Variants in TENM4 observed in about 807,000 individuals in gnomAD.
TENM4 encodes teneurin transmembrane protein 4, also known as teneurin-4.
Under a neutral mutation model 243.3 loss-of-function variants are expected in TENM4, and 82 were observed. That is an observed-to-expected ratio of 0.34 (90% CI 0.28 to 0.40). The LOEUF (loss-of-function observed/expected upper bound fraction) is 0.40, where lower values mean the gene tolerates loss of function less well. Among genes scored for constraint, TENM4 ranks in the 10% least tolerant of loss-of-function variants. The probability of loss-of-function intolerance (pLI) is 1.00; values close to 1 mark genes in which losing one functional copy is unlikely to be tolerated. For missense variants in TENM4, 3,138 were observed against 3,673.3 expected, an observed-to-expected ratio of 0.85 and a Z score of 3.77; for synonymous variants, 1,412 against 1,456.3, an observed-to-expected ratio of 0.97 and a Z score of 0.69.
intron 2 of TENM4, among the ~76,000 whole-genome samples, chr11:79,289,231 T>A (rs1448282665): frequency 6.6e-6 from 1 of 152,236 alleles, no homozygotes; most frequent in East Asian, 1.9e-4. Context: ...AGCCCTCATC[T>A]GAATGCAGTG....
At chr11:79,259,466 T>C (rs1025958220) in intron 2 of TENM4, among the ~76,000 whole-genome samples, 6 of 152,144 alleles carry the variant, frequency 3.9e-5, no homozygotes, top group Non-Finnish European at 1.5e-5. Context: ...TATCTTCATC[T>C]ACCCAGCCAT....
intron 6 of TENM4, among the ~76,000 whole-genome samples, chr11:78,925,520 CA>C (rs904114487): frequency 2.7e-4 from 41 of 152,124 alleles, no homozygotes; most frequent in African/African-American, 7.5e-4. Flanking sequence ...AGTGACTTGA[CA>C]AACTCCCACC....
chr11:79,413,767 C>G (rs1858752326), intron 1 of TENM4, among the ~76,000 whole-genome samples: 1 of 152,058 alleles, frequency 6.6e-6, no homozygotes, highest in Non-Finnish European at 1.5e-5. Flanking sequence ...ATTATTATTA[C>G]TTTTCTTAGG....
rs557812355 is a variant in TENM4 at position 78,965,678 on chromosome 11, C to T, written c.494-62155G>A. Among the ~76,000 whole-genome samples the T allele has an allele frequency of 8.5e-5, 13 of 152,322 alleles. No individual in the cohort carries two copies. In the South Asian group the frequency reaches 1.2e-3, roughly 15 times the overall value. On this transcript the variant is annotated intron_variant, in intron 6 of 33. Transcript: ENST00000278550. Reference sequence around the variant, plus strand: ...AACGGCACTGAGCCCTCCCAGGCCTCGTCCCTGTCTCTTCTTTCTCCTACG... The same window carrying T: ...AACGGCACTGAGCCCTCCCAGGCCTTGTCCCTGTCTCTTCTTTCTCCTACG...
At chr11:79,039,341 AT>A (rs1859461819) in intron 6 of TENM4, among the ~76,000 whole-genome samples, 1 of 152,188 alleles carries the variant, frequency 6.6e-6, no homozygotes, top group Non-Finnish European at 1.5e-5. Context: ...CAGAGGACAA[AT>A]CCCAGCCCCA....
intron 1 of TENM4, among the ~76,000 whole-genome samples, chr11:79,335,328 A>G (rs1224673060): frequency 6.6e-6 from 1 of 152,218 alleles, no homozygotes; most frequent in East Asian, 1.9e-4. Context: ...AAGAGAGCCA[A>G]TAGGTCACTT....
intron 3 of TENM4, among the ~76,000 whole-genome samples, chr11:79,170,001 G>A (rs1009112896): frequency 1.3e-5 from 2 of 152,192 alleles, no homozygotes; most frequent in Admixed American, 6.5e-5. Flanking sequence ...TGGTGCCTGG[G>A]CATCTTTGCC....
At chr11:78,822,259 C>T (rs1008979726) in intron 12 of TENM4, among the ~76,000 whole-genome samples, 6 of 152,206 alleles carry the variant, frequency 3.9e-5, no homozygotes, top group Admixed American at 1.3e-4. Context: ...TCTAGTCCTA[C>T]TCCTGCCATC....
intron 6 of TENM4, among the ~76,000 whole-genome samples, chr11:79,038,461 G>C (rs1350903357): frequency 1.3e-5 from 2 of 152,120 alleles, no homozygotes; most frequent in Non-Finnish European, 2.9e-5. Context: ...CAGTACAAAT[G>C]TTACCTTTTC....
intron 2 of TENM4, among the ~76,000 whole-genome samples, chr11:79,234,440 G>A (rs955472729): frequency 2.0e-5 from 3 of 152,136 alleles, no homozygotes; most frequent in African/African-American, 7.2e-5. Context: ...AAGAGGCCTC[G>A]GGCAATTCAC....
At chr11:79,177,518 C>T (rs530440942) in intron 3 of TENM4, among the ~76,000 whole-genome samples, 1 of 152,242 alleles carries the variant, frequency 6.6e-6, no homozygotes, top group African/African-American at 2.4e-5. Context: ...CAGACAAAGC[C>T]CCTACTTCAA....
chr11:79,405,250 G>A (rs1395434994), intron 1 of TENM4, among the ~76,000 whole-genome samples: 2 of 152,054 alleles, frequency 1.3e-5, no homozygotes, highest in Non-Finnish European at 2.9e-5. Context: ...ACCCTCATAA[G>A]TGTCTCTCAT....
chr11:79,080,455 G>C (rs923138296), intron 4 of TENM4, among the ~76,000 whole-genome samples: 2 of 152,248 alleles, frequency 1.3e-5, no homozygotes, highest in Non-Finnish European at 2.9e-5. Context: ...GAATCCCTGG[G>C]CCGGGTCTGA....
At chr11:79,020,937 G>C (rs185275764) in intron 6 of TENM4, among the ~76,000 whole-genome samples, 2 of 152,280 alleles carry the variant, frequency 1.3e-5, no homozygotes, top group Admixed American at 1.3e-4. Context: ...AGTCCCCACA[G>C]TACCCTCTGC....
chr11:79,151,811 G>C (rs1862517548), intron 3 of TENM4, among the ~76,000 whole-genome samples: 1 of 151,946 alleles, frequency 6.6e-6, no homozygotes, highest in Non-Finnish European at 1.5e-5. Flanking sequence ...TTAATCATTT[G>C]TAGATAATAG....
chr11:78,842,201 C>G (rs1377000753), intron 12 of TENM4, among the ~76,000 whole-genome samples: 2 of 152,212 alleles, frequency 1.3e-5, no homozygotes. Flanking sequence ...AACTTCCCCT[C>G]CTTATTTCCT....
chr11:78,986,062 A>T (rs1009218000), intron 6 of TENM4, among the ~76,000 whole-genome samples: 3 of 152,240 alleles, frequency 2.0e-5, no homozygotes, highest in Non-Finnish European at 4.4e-5. Context: ...TTTAGAATAT[A>T]CTAGGAGCAA....
chr11:79,413,920 A>G (rs981294970), intron 1 of TENM4, among the ~76,000 whole-genome samples: 2 of 152,230 alleles, frequency 1.3e-5, no homozygotes, highest in Non-Finnish European at 2.9e-5. Context: ...CTGATAAGTC[A>G]TAGACGGCAA....
At chr11:78,849,154 A>C (rs1184928205) in intron 12 of TENM4, among the ~76,000 whole-genome samples, 1 of 152,366 alleles carries the variant, frequency 6.6e-6, no homozygotes, top group East Asian at 1.9e-4. Flanking sequence ...AAATGAAAAG[A>C]TAAGATGCTA....
Sources: gnomAD v4.1 joint callset for allele counts (sites outside exome capture counted in the v4.1 genomes callset) on GRCh38, gnomAD v4.1.1 for gene constraint, MANE v1.5 for transcripts, NCBI Gene and HGNC (gene_info 2026-07-23, HGNC 2026-07-21) for gene names.